LIMK2: variants seen among roughly 807,000 people sequenced by gnomAD.
The protein encoded by LIMK2 is LIM domain kinase 2.
A neutral mutation model predicts 75.7 loss-of-function variants in LIMK2; 35 were observed. That is an observed-to-expected ratio of 0.46 (90% CI 0.35 to 0.61). LIMK2 has a LOEUF of 0.61. LIMK2 is among the 20% of genes least tolerant of loss of function. LIMK2 has a pLI of 0.00. For synonymous variants in LIMK2, 301 were observed against 319.2 expected (o/e 0.94, Z 0.61); for missense variants, 623 against 831.0 (o/e 0.75, Z 3.08).
rs2048854240 is a variant in LIMK2 at position 31,262,774 on chromosome 22, G to A, written c.837G>A (p.Leu279=). ...LDTKENLEGT[L]RRRSLRRSNS... is the part of the protein sequence containing the mutation. ...CCAAGGAGAATCTGGAGGGGACACTGAGGAGACGTTCCCTAAGGTGCCACC... is the reference window on the plus strand; with the variant it reads ...CCAAGGAGAATCTGGAGGGGACACTAAGGAGACGTTCCCTAAGGTGCCACC... The change falls in exon 7 of 16, where the codon CTG becomes CTA. Residue 279 remains leucine (L), a synonymous_variant. Transcript: ENST00000331728. The surrounding 1 kb of genome is among the most constrained non-coding windows in gnomAD (Gnocchi z 5.0). The A allele has an allele frequency of 1.2e-6, 2 of 1,609,974 alleles. No homozygotes were observed. Among genetic ancestry groups the A allele is most frequent in the Non-Finnish European group, 1.7e-6 (2 of 1,177,622 alleles).
chr22:31,250,696 T>G lies in LIMK2; in HGVS notation c.117-7595T>G, dbSNP rs1601423130. Among the ~76,000 whole-genome samples the G allele has an allele frequency of 3.3e-5, 5 of 152,286 alleles. 1 individual carries two copies. Among genetic ancestry groups the G allele is most frequent in the Admixed American group, 3.3e-4 (5 of 15,296 alleles). On this transcript the variant is annotated intron_variant, in intron 2 of 15. Transcript: ENST00000331728. ...GACCCTCTGCTCTCCCAGGTATCCG[T>G]TACCACATCACTACCTGGTCAGAAA...
intron 2 of LIMK2, among the ~76,000 whole-genome samples, chr22:31,252,575 G>C (rs1033793449): frequency 1.8e-5 from 1 of 54,298 alleles, no homozygotes; most frequent in African/African-American, 2.4e-4. Context: ...TTTCTATTTG[G>C]ATAGATAAAT....
At chr22:31,228,021 CGTGTGTGTGT>C (rs66641491) in intron 2 of LIMK2, among the ~76,000 whole-genome samples, 9 of 147,532 alleles carry the variant, frequency 6.1e-5, no homozygotes, top group Non-Finnish European at 9.1e-5. Flanking sequence ...TCTGTGCGTG[CGTGTGTGTGT>C]GTGTGTGTGT....
Position 31,225,782 on chromosome 22 carries a change from A to G in LIMK2, c.79A>G (p.Arg27Gly). ...DHIAPSQIWY[R>G]TVNETWHGSC... ...CATTGCTCCAAGCCAGATATGGTACAGGACTGTCAACGAAACCTGGCACGG... is the reference window on the plus strand; with the variant it reads ...CATTGCTCCAAGCCAGATATGGTACGGGACTGTCAACGAAACCTGGCACGG... The change falls in exon 2 of 16, where the codon AGG (arginine) becomes GGG (glycine). Residue 27 changes from arginine (R) to glycine (G), a missense_variant. Around this residue, in one of 3 missense-constraint regions of LIMK2, gnomAD observed 514 missense variants for 661.3 expected, o/e 0.78. Coordinates refer to ENST00000331728, the MANE Select transcript of LIMK2 (RefSeq NM_005569.4). The G allele has an allele frequency of 6.2e-7, 1 of 1,614,132 alleles. No individual in the cohort carries two copies. The highest frequency in any genetic ancestry group is 8.5e-7 in the Non-Finnish European group (1 of 1,179,958).
At chr22:31,264,890 C>T (rs1291324758) in intron 7 of LIMK2, among the ~76,000 whole-genome samples, 2 of 150,514 alleles carry the variant, frequency 1.3e-5, no homozygotes, top group Non-Finnish European at 3.0e-5. Context: ...AACCCCATCT[C>T]TACTAAAAAT....
chr22:31,226,124 C>CT (rs1230933972), intron 2 of LIMK2, among the ~76,000 whole-genome samples: 1 of 152,168 alleles, frequency 6.6e-6, no homozygotes, highest in Non-Finnish European at 1.5e-5. Flanking sequence ...GGAAGAGTGA[C>CT]TTTCCTGTGG....
chr22:31,258,731 G>C, intron 3 of LIMK2: 1 of 404,412 alleles, frequency 2.5e-6, no homozygotes, highest in Non-Finnish European at 4.5e-6. Flanking sequence ...GATATACTTA[G>C]GTTGTCTTTA....
intron 2 of LIMK2, among the ~76,000 whole-genome samples, chr22:31,243,416 A>G (rs2048640400): frequency 6.6e-6 from 1 of 152,166 alleles, no homozygotes; most frequent in Non-Finnish European, 1.5e-5. Context: ...CTTCACACAA[A>G]CAGTTTCTTG....
intron 2 of LIMK2, among the ~76,000 whole-genome samples, chr22:31,255,353 A>G (rs2048767748): frequency 6.6e-6 from 1 of 152,166 alleles, no homozygotes; most frequent in East Asian, 1.9e-4. Context: ...CTCACTGTGC[A>G]GTTTTGAGAC....
rs535998778 is a variant in LIMK2 at position 31,273,145 on chromosome 22, G to A, written c.1559-307G>A. 115 of 579,278 alleles carry A rather than the reference G, an allele frequency of 2.0e-4. No homozygotes were observed. In the African/African-American group the frequency reaches 2.2e-3, roughly 11 times the overall value. The allele number at this position is 579,278 out of a possible 1,614,324, so 35.9% of individuals were successfully genotyped here. Reference sequence around the variant, plus strand: ...GGAGTCTGAGGCCCAGAGAAGTTCAGTGAATTGCCTAGGAGCATACAGCTG... The same window carrying A: ...GGAGTCTGAGGCCCAGAGAAGTTCAATGAATTGCCTAGGAGCATACAGCTG... On this transcript the variant is annotated intron_variant, in intron 13 of 15. Transcript: ENST00000331728.
At chr22:31,265,095 G>A (rs2048878857) in intron 7 of LIMK2, among the ~76,000 whole-genome samples, 1 of 151,406 alleles carries the variant, frequency 6.6e-6, no homozygotes, top group Non-Finnish European at 1.5e-5. Flanking sequence ...TTGGGAGGCT[G>A]AGGCAGGAGA....
chr22:31,225,648 C>G, intron 1 of LIMK2, 72 bp from the exon 2 acceptor site: 1 of 1,111,964 alleles, frequency 9.0e-7, no homozygotes, highest in Non-Finnish European at 1.3e-6. Flanking sequence ...CAGTCTTATT[C>G]TACATGGTAG....
chr22:31,222,196 G>A (rs187790184), intron 1 of LIMK2, among the ~76,000 whole-genome samples: 30 of 151,552 alleles, frequency 2.0e-4, no homozygotes, highest in Admixed American at 1.7e-3. Context: ...TCAGCCTCCT[G>A]AGTAGCTGGG....
chr22:31,213,334 A>G (rs1396961971), intron 1 of LIMK2, among the ~76,000 whole-genome samples: 1 of 133,610 alleles, frequency 7.5e-6, no homozygotes, highest in Admixed American at 8.0e-5. Context: ...TCTGTCTCCT[A>G]TGTTTCCCAG....
intron 5 of LIMK2, 152 bp from the exon 6 acceptor site, chr22:31,261,982 C>T (rs1331606915): frequency 2.3e-5 from 15 of 652,038 alleles, no homozygotes; most frequent in South Asian, 7.1e-5. Context: ...ATGGGGCATC[C>T]TGGAAAAGGT....
chr22:31,215,737 C>G (rs2048384073), intron 1 of LIMK2, among the ~76,000 whole-genome samples: 1 of 152,114 alleles, frequency 6.6e-6, no homozygotes, highest in Admixed American at 6.5e-5. Flanking sequence ...CCATGCTGAT[C>G]AGTAGTGGGA....
rs534665959 is a variant in LIMK2, at chr22:31,271,055, A to C, written c.1318-81A>C. ...CTGGGTGGGCATGGCCTGGTAGGAG[A>C]GCATCTATGGCGCCCAATTCCAGAT... On this transcript the variant is annotated intron_variant, in intron 11 of 15. Transcript: ENST00000331728. The C allele has an allele frequency of 6.2e-6, 8 of 1,292,046 alleles. No individual in the cohort carries two copies. In the Admixed American group the frequency reaches 6.7e-5, roughly 11 times the overall value. The allele number at this position is 1,292,046 out of a possible 1,614,324, so 80.0% of individuals were successfully genotyped here.
intron 2 of LIMK2, among the ~76,000 whole-genome samples, chr22:31,226,701 C>A (rs994591935): frequency 6.6e-6 from 1 of 152,268 alleles, no homozygotes; most frequent in Admixed American, 6.5e-5. Flanking sequence ...CCTCTGCCCC[C>A]CGAGTTCAAG....
chr22:31,215,861 A>G (rs185843972), intron 1 of LIMK2, among the ~76,000 whole-genome samples: 2 of 152,338 alleles, frequency 1.3e-5, no homozygotes, highest in Middle Eastern at 3.4e-3. Flanking sequence ...TGCGTATGAT[A>G]ACATTATAGA....
Sources: gnomAD v4.1 joint callset for allele counts (sites outside exome capture counted in the v4.1 genomes callset) on GRCh38, gnomAD v4.1.1 for gene constraint, gnomAD v4.1.1 regional missense constraint, Gnocchi (gnomAD v3.1) non-coding constraint, MANE v1.5 for transcripts, NCBI Gene and HGNC (gene_info 2026-07-23, HGNC 2026-07-21) for gene names.